Variants in CDYL2 observed in about 807,000 individuals in gnomAD.
The protein encoded by CDYL2 is chromodomain Y-like protein 2.
CDYL2 carries 23 observed loss-of-function variants against 49.4 expected under a neutral mutation model. The ratio of observed to expected loss-of-function variants is 0.47; its 90% CI spans 0.34 to 0.66. The LOEUF (loss-of-function observed/expected upper bound fraction) is 0.66. Ranked by LOEUF, CDYL2 falls within the 30% of genes least tolerant of loss-of-function variation. CDYL2 has a pLI of 0.01. For missense variants in CDYL2, 678 were observed against 656.4 expected (o/e 1.03, Z -0.36); for synonymous variants, 360 against 268.8 (o/e 1.34, Z -3.32).
chr16:80,663,581 G>C (rs1438197194), intron 2 of CDYL2, among the ~76,000 whole-genome samples: 4 of 151,960 alleles, frequency 2.6e-5, no homozygotes, highest in Admixed American at 6.6e-5. Context: ...GATGTTCACT[G>C]TCAGATGTCT....
intron 1 of CDYL2, among the ~76,000 whole-genome samples, chr16:80,728,561 G>A (rs1181620860): frequency 1.3e-5 from 2 of 152,108 alleles, no homozygotes; most frequent in Non-Finnish European, 2.9e-5. Context: ...AATCTAGCAA[G>A]GCAGGCCAAC....
At chr16:80,711,308 G>A (rs1299234901) in intron 1 of CDYL2, among the ~76,000 whole-genome samples, 3 of 152,112 alleles carry the variant, frequency 2.0e-5, no homozygotes, top group Non-Finnish European at 4.4e-5. Context: ...TATAAAGTAC[G>A]TATCTTGAAC....
chr16:80,794,408 A>C (rs1567608435), intron 1 of CDYL2, among the ~76,000 whole-genome samples: 1 of 152,148 alleles, frequency 6.6e-6, no homozygotes, highest in Non-Finnish European at 1.5e-5. Flanking sequence ...TGTTGCTGAA[A>C]TAGTGCATTT....
At chr16:80,784,751 C>G (rs954772233) in intron 1 of CDYL2, among the ~76,000 whole-genome samples, 2 of 152,080 alleles carry the variant, frequency 1.3e-5, no homozygotes, top group African/African-American at 4.8e-5. Context: ...GTACATAGTC[C>G]TTAAATAGCA....
chr16:80,638,179 A>G (rs1302720116), intron 2 of CDYL2, among the ~76,000 whole-genome samples: 2 of 152,126 alleles, frequency 1.3e-5, no homozygotes, highest in Non-Finnish European at 1.5e-5. Flanking sequence ...GGCTCAAACT[A>G]TATTCCCTCC....
chr16:80,748,398 G>C (rs900130566), intron 1 of CDYL2, among the ~76,000 whole-genome samples: 2 of 148,868 alleles, frequency 1.3e-5, no homozygotes, highest in African/African-American at 4.9e-5. Flanking sequence ...TTGGTGGCAG[G>C]CGCCTGTAGT....
At chr16:80,803,017 A>G (rs1282112341) in intron 1 of CDYL2, among the ~76,000 whole-genome samples, 3 of 152,330 alleles carry the variant, frequency 2.0e-5, no homozygotes, top group Middle Eastern at 3.4e-3. Context: ...GGCTGGTTTC[A>G]CGGAGGCCCA....
intron 2 of CDYL2, among the ~76,000 whole-genome samples, chr16:80,636,227 G>A (rs1000542015): frequency 2.6e-5 from 4 of 152,126 alleles, no homozygotes; most frequent in African/African-American, 9.7e-5. Context: ...TTAAACTAAA[G>A]AGCTTCTGTA....
At chr16:80,635,477 A>C (rs1907778038) in intron 2 of CDYL2, among the ~76,000 whole-genome samples, 1 of 152,224 alleles carries the variant, frequency 6.6e-6, no homozygotes, top group African/African-American at 2.4e-5. Context: ...CTACAAAGAG[A>C]ATAAAATACT....
chr16:80,781,594 G>A (rs1213936187), intron 1 of CDYL2, among the ~76,000 whole-genome samples: 2 of 152,078 alleles, frequency 1.3e-5, no homozygotes, highest in African/African-American at 2.4e-5. Flanking sequence ...TTCTTCTCAG[G>A]TACACATGGT....
chr16:80,643,810 C>G (rs116901507), intron 2 of CDYL2, among the ~76,000 whole-genome samples: 1,999 of 152,334 alleles, frequency 0.013, 13 homozygotes, highest in Middle Eastern at 0.024. Context: ...CGGGCCCAGC[C>G]TACAAAACCA....
chr16:80,704,783 A>G (rs1449610106), intron 1 of CDYL2, among the ~76,000 whole-genome samples: 2 of 152,218 alleles, frequency 1.3e-5, no homozygotes, highest in African/African-American at 4.8e-5. Flanking sequence ...GTAACAGAGA[A>G]AGGCCACGTG....
intron 2 of CDYL2, among the ~76,000 whole-genome samples, chr16:80,683,797 G>T (rs937157513): frequency 1.3e-5 from 2 of 152,140 alleles, no homozygotes; most frequent in Non-Finnish European, 2.9e-5. Context: ...ATCATGTGAG[G>T]ACACAGAAGG....
chr16:80,767,461 C>G (rs1214185074), intron 1 of CDYL2, among the ~76,000 whole-genome samples: 1 of 152,142 alleles, frequency 6.6e-6, no homozygotes, highest in Non-Finnish European at 1.5e-5. Flanking sequence ...TGGCATGAGG[C>G]TTTCACTGCA....
intron 1 of CDYL2, among the ~76,000 whole-genome samples, chr16:80,727,730 C>T (rs1905209713): frequency 6.6e-6 from 1 of 152,188 alleles, no homozygotes; most frequent in South Asian, 2.1e-4. Context: ...CAGTGGTTCT[C>T]CCAGCACGCA....
chr16:80,712,423 T>C (rs1257148207), intron 1 of CDYL2, among the ~76,000 whole-genome samples: 2 of 151,934 alleles, frequency 1.3e-5, no homozygotes, highest in African/African-American at 4.8e-5. Flanking sequence ...ACAACATTGC[T>C]GGTCCCTGGC....
intron 1 of CDYL2, among the ~76,000 whole-genome samples, chr16:80,787,140 C>G (rs567278889): frequency 6.6e-6 from 1 of 152,040 alleles, no homozygotes; most frequent in African/African-American, 2.4e-5. Flanking sequence ...GCTTTAAATA[C>G]ATTACAAGAA....
chr16:80,720,037 A>C (rs1904946255), intron 1 of CDYL2, among the ~76,000 whole-genome samples: 1 of 152,170 alleles, frequency 6.6e-6, no homozygotes, highest in Admixed American at 6.5e-5. Flanking sequence ...ATGCCTTGAC[A>C]CTGTAAAGCC....
chr16:80,769,286 TACAAG>T (rs1160298090), intron 1 of CDYL2, among the ~76,000 whole-genome samples: 2 of 152,232 alleles, frequency 1.3e-5, no homozygotes, highest in Non-Finnish European at 2.9e-5. Flanking sequence ...CTCAAAAGGC[TACAAG>T]ACTAGAAAAC....
Sources: gnomAD v4.1 joint callset for allele counts (sites outside exome capture counted in the v4.1 genomes callset) on GRCh38, gnomAD v4.1.1 for gene constraint, MANE v1.5 for transcripts, NCBI Gene and HGNC (gene_info 2026-07-23, HGNC 2026-07-21) for gene names.